Variants in TENM3 observed in about 807,000 individuals in gnomAD.
The protein encoded by TENM3 is teneurin-3.
In TENM3, 63 loss-of-function variants were observed where a neutral mutation model predicts 255.1. That is an observed-to-expected ratio of 0.25 (90% CI 0.20 to 0.30). The LOEUF (loss-of-function observed/expected upper bound fraction) is 0.30, where lower values mean the gene tolerates loss of function less well. Ranked by LOEUF, TENM3 falls within the 10% of genes least tolerant of loss-of-function variation. The probability of loss-of-function intolerance (pLI) is 1.00; values close to 1 mark genes in which losing one functional copy is unlikely to be tolerated. For missense variants in TENM3, 2,929 were observed against 3,461.1 expected (o/e 0.85, Z 3.86); for synonymous variants, 1,306 against 1,322.3 (o/e 0.99, Z 0.27).
At chr4:182,572,357 T>G (rs533549873) in intron 3 of TENM3, among the ~76,000 whole-genome samples, 1 of 152,342 alleles carries the variant, frequency 6.6e-6, no homozygotes, top group Non-Finnish European at 1.5e-5. Context: ...ATATTGGTCT[T>G]TTCATCCACA....
chr4:182,417,520 C>T (rs936771839), intron 3 of TENM3, among the ~76,000 whole-genome samples: 7 of 151,862 alleles, frequency 4.6e-5, no homozygotes, highest in African/African-American at 1.7e-4. Flanking sequence ...AGTTTGCTAA[C>T]ATCAACTTTT....
the TENM3 span, among the ~76,000 whole-genome samples, chr4:181,904,047 G>A: frequency 1.3e-5 from 2 of 151,858 alleles, no homozygotes; most frequent in South Asian, 2.1e-4. Context: ...ATGTTCTTTG[G>A]GCATCTAAAA....
At position 182,712,439 on chromosome 4, in the gene TENM3, A is replaced by C. The variant is rs554759200; in HGVS notation, c.2222-1648A>C. Among the ~76,000 whole-genome samples, 1,326 of 152,202 alleles carry C rather than the reference A, an allele frequency of 8.7e-3. 25 individuals are homozygous for C. The highest frequency in any genetic ancestry group is 0.03 in the African/African-American group (1,231 of 41,532). ...AACCTTTCGTTTTCATTAAAAAAAAAAAAAAAAAAACACATCCATAAGGAA... is the reference window on the plus strand; with the variant it reads ...AACCTTTCGTTTTCATTAAAAAAAACAAAAAAAAAACACATCCATAAGGAA... On this transcript the variant is annotated intron_variant, in intron 12 of 27. Transcript: ENST00000511685.
chr4:181,644,741 C>T, the TENM3 span, among the ~76,000 whole-genome samples: 4 of 151,900 alleles, frequency 2.6e-5, no homozygotes, highest in African/African-American at 4.8e-5. Context: ...CAGATTCTCA[C>T]CCATAAAGGT....
the TENM3 span, among the ~76,000 whole-genome samples, chr4:181,492,263 T>G: frequency 6.6e-6 from 1 of 152,222 alleles, no homozygotes; most frequent in Non-Finnish European, 1.5e-5. Flanking sequence ...GTACACATTT[T>G]GAGAAAAAGC....
chr4:182,480,723 C>T (rs1933046127), intron 3 of TENM3, among the ~76,000 whole-genome samples: 1 of 151,852 alleles, frequency 6.6e-6, no homozygotes, highest in African/African-American at 2.4e-5. Flanking sequence ...AAAATCAAAG[C>T]ATATAGATAT....
the TENM3 span, among the ~76,000 whole-genome samples, chr4:181,983,509 A>G: frequency 6.6e-6 from 1 of 152,148 alleles, no homozygotes; most frequent in East Asian, 1.9e-4. Context: ...GAAACATGTG[A>G]TCATGTTTGT....
chr4:182,148,887 A>C lies in TENM3; in HGVS notation c.-76+4133A>C, dbSNP rs141421161. Among the ~76,000 whole-genome samples the C allele has an allele frequency of 1.4e-4, 21 of 152,194 alleles. No homozygotes were observed. In the East Asian group the frequency reaches 4.1e-3, roughly 29 times the overall value. Reference sequence around the variant, plus strand: ...TTTGGTTCATATTGCATTGTGATACATGTTGTCCCAATCAAATAAAAGATT... The same window carrying C: ...TTTGGTTCATATTGCATTGTGATACCTGTTGTCCCAATCAAATAAAAGATT... On this transcript the variant is annotated intron_variant, in intron 1 of 2. Transcript: ENST00000512480.
chr4:182,462,989 T>C (rs1732190449), intron 3 of TENM3, among the ~76,000 whole-genome samples: 1 of 152,032 alleles, frequency 6.6e-6, no homozygotes, highest in Non-Finnish European at 1.5e-5. Flanking sequence ...CCAAAATCCA[T>C]GTATACTAAA....
the TENM3 span, among the ~76,000 whole-genome samples, chr4:181,822,378 A>G: frequency 6.6e-6 from 1 of 152,224 alleles, no homozygotes; most frequent in Admixed American, 6.5e-5. Context: ...TTTTTGGTGA[A>G]GTATTTGCCG....
chr4:182,802,277 A>G lies in TENM3; in HGVS notation c.*1926A>G, dbSNP rs1008836652. 2.0e-5 allele frequency: 3 copies of G among 152,686 alleles called. No individual in the cohort carries two copies. The highest frequency in any genetic ancestry group is 2.9e-5 in the Non-Finnish European group (2 of 68,048). The allele number at this position is 152,686 out of a possible 1,614,324, so 9.5% of individuals were successfully genotyped here. Reference sequence around the variant, plus strand: ...TATTAGAATGAAAGCACAGATTAGCATTAATATTTTTTATTCTGGAAATCC... The same window carrying G: ...TATTAGAATGAAAGCACAGATTAGCGTTAATATTTTTTATTCTGGAAATCC... On this transcript the variant is annotated 3_prime_UTR_variant, in exon 28 of 28. Transcript: ENST00000511685.
chr4:182,383,798 A>G (rs1192383395), intron 3 of TENM3, among the ~76,000 whole-genome samples: 2 of 152,212 alleles, frequency 1.3e-5, no homozygotes, highest in Non-Finnish European at 1.5e-5. Context: ...TACTGTTACA[A>G]AAACAGACAC....
chr4:182,177,571 T>A (rs897484099), intron 1 of TENM3, among the ~76,000 whole-genome samples: 3 of 151,960 alleles, frequency 2.0e-5, no homozygotes, highest in Non-Finnish European at 4.4e-5. Flanking sequence ...TGAAAAAAAA[T>A]TTATTTAAAA....
At chr4:182,766,399 G>T (rs1307569584) in intron 22 of TENM3, among the ~76,000 whole-genome samples, 2 of 152,092 alleles carry the variant, frequency 1.3e-5, no homozygotes, top group Non-Finnish European at 2.9e-5. Flanking sequence ...AAGACAGACT[G>T]TCTTAAACAT....
At chr4:182,066,887 G>A in the TENM3 span, among the ~76,000 whole-genome samples, 2,499 of 152,210 alleles carry the variant, frequency 0.016, 60 homozygotes, top group African/African-American at 0.057. Flanking sequence ...CTCCAGCCTG[G>A]GCGACAGAGC....
intron 3 of TENM3, among the ~76,000 whole-genome samples, chr4:182,561,500 T>C (rs1743178887): frequency 6.6e-6 from 1 of 151,798 alleles, no homozygotes; most frequent in Non-Finnish European, 1.5e-5. Context: ...GGATTATGGA[T>C]AGTTTTAGTT....
the TENM3 span, among the ~76,000 whole-genome samples, chr4:182,099,357 G>T: frequency 1.8e-4 from 28 of 152,196 alleles, no homozygotes; most frequent in East Asian, 5.0e-3. Flanking sequence ...GTGATCACTG[G>T]TTAAACCAGT....
At chr4:181,657,788 C>T in the TENM3 span, among the ~76,000 whole-genome samples, 1 of 122,148 alleles carries the variant, frequency 8.2e-6, no homozygotes, top group African/African-American at 3.2e-5. Flanking sequence ...TCATGGAATA[C>T]TATGCAACTA....
At chr4:181,955,753 A>C in the TENM3 span, among the ~76,000 whole-genome samples, 1 of 152,190 alleles carries the variant, frequency 6.6e-6, no homozygotes, top group Non-Finnish European at 1.5e-5. Context: ...GAGTGCTTTA[A>C]GAAGATTCAG....
Sources: allele counts gnomAD v4.1 joint callset (sites outside exome capture counted in the v4.1 genomes callset), GRCh38; gene constraint gnomAD v4.1.1; transcripts MANE v1.5; gene names NCBI Gene and HGNC (gene_info 2026-07-23, HGNC 2026-07-21).